Variants in COG3 observed in about 807,000 individuals in gnomAD.
The protein encoded by COG3 is component of oligomeric golgi complex 3, also known as conserved oligomeric Golgi complex subunit 3.
In COG3, 32 loss-of-function variants were observed where a neutral mutation model predicts 114.1. The observed-to-expected ratio is 0.28, with a 90% CI of 0.21 to 0.38. The LOEUF (loss-of-function observed/expected upper bound fraction) is 0.38. Among genes scored for constraint, COG3 ranks in the 10% least tolerant of loss-of-function variants. The probability of loss-of-function intolerance (pLI) is 1.00; values close to 1 mark genes in which losing one functional copy is unlikely to be tolerated. For synonymous variants in COG3, 352 were observed against 365.7 expected (o/e 0.96, Z 0.43); for missense variants, 813 against 973.2 (o/e 0.84, Z 2.19).
chr13:45,496,410 G>A (rs1406293421), intron 13 of COG3, 98 bp downstream of exon 13: 1 of 970,850 alleles, frequency 1.0e-6, no homozygotes, highest in East Asian at 3.9e-5. Flanking sequence ...AATAGAGACA[G>A]GGTTTCCCCT....
intron 1 of COG3, among the ~76,000 whole-genome samples, chr13:45,469,913 AT>A (rs1366947591): frequency 6.6e-6 from 1 of 152,156 alleles, no homozygotes; most frequent in Non-Finnish European, 1.5e-5. Context: ...ACAGTTCTTC[AT>A]TTTACCCTCA....
chr13:45,479,115 G>A (rs1170757958), intron 3 of COG3, 49 bp downstream of exon 3: 2 of 1,281,820 alleles, frequency 1.6e-6, no homozygotes, highest in Non-Finnish European at 2.2e-6. Flanking sequence ...TTAGATCACA[G>A]TCATCTGAAG....
chr13:45,510,325 A>G (rs1041659652), intron 15 of COG3, among the ~76,000 whole-genome samples: 1 of 152,210 alleles, frequency 6.6e-6, no homozygotes, highest in African/African-American at 2.4e-5. Context: ...AGATTTTGAA[A>G]TGCTACCAAA....
chr13:45,480,266 C>T lies in COG3; in HGVS notation c.525C>T (p.Ala175=). 3 of 1,612,364 alleles carry T rather than the reference C, an allele frequency of 1.9e-6. No homozygotes were observed. Among genetic ancestry groups the T allele is most frequent in the Admixed American group, 1.7e-5 (1 of 59,920 alleles). ...ATAAGACAGGAACCCTACATGAAGC[C>T]TGTGAACAGCTCCTAAAAGAACAGG... ...VSNKTGTLHE[A]CEQLLKEQSE... The change falls in exon 4 of 23, where the codon GCC becomes GCT. Residue 175 remains alanine (A), a synonymous_variant. Coordinates refer to ENST00000349995, the MANE Select transcript of COG3 (RefSeq NM_031431.4).
chr13:45,476,141 G>C (rs1196335188), intron 1 of COG3, 60 bp from the exon 2 acceptor site: 7 of 1,522,534 alleles, frequency 4.6e-6, no homozygotes, highest in Non-Finnish European at 6.3e-6. Flanking sequence ...ACCCAATCTT[G>C]AGTTAAGTTC....
Position 45,481,322 on chromosome 13 carries a change from C to T in COG3, c.624+18C>T. ...TTAACACAGTAAGCATTGTTCTTTA[C>T]TTCTTATAAAGTTAGTGATTTTTGT... On this transcript the variant is annotated intron_variant, in intron 5 of 22. Coordinates refer to ENST00000349995, the MANE Select transcript of COG3 (RefSeq NM_031431.4). The T allele has an allele frequency of 1.5e-6, 2 of 1,337,438 alleles. No individual in the cohort carries two copies. Among genetic ancestry groups the T allele is most frequent in the Non-Finnish European group, 2.1e-6 (2 of 941,716 alleles). 82.8% of individuals were successfully genotyped at this position (1,337,438 alleles called of 1,614,324 possible).
intron 15 of COG3, among the ~76,000 whole-genome samples, chr13:45,510,132 A>G (rs544280943): frequency 6.8e-6 from 1 of 147,834 alleles, no homozygotes; most frequent in South Asian, 2.1e-4. Context: ...TACAGCAGTC[A>G]TGTAATGAAT....
At position 45,474,825 on chromosome 13, in the gene COG3, T is replaced by A. The variant is rs144377310; in HGVS notation, c.175-1376T>A. On this transcript the variant is annotated intron_variant, in intron 1 of 22. Coordinates refer to ENST00000349995, the MANE Select transcript of COG3 (RefSeq NM_031431.4). ...CTGAGACCTTGGATCTTGTCTTATA[T>A]CAATGGACCTTAAATGTCATAAACT... 1.0e-2 allele frequency among the ~76,000 whole-genome samples: 1,522 copies of A among 152,306 alleles called. 32 individuals are homozygous for A. The highest frequency in any genetic ancestry group is 0.034 in the African/African-American group (1,412 of 41,552).
At chr13:45,467,938 A>T (rs147433162) in intron 1 of COG3, among the ~76,000 whole-genome samples, 92 of 152,358 alleles carry the variant, frequency 6.0e-4, no homozygotes, top group Middle Eastern at 3.4e-3. Flanking sequence ...TATCATAAAG[A>T]TGTTAACTTC....
At chr13:45,495,629 C>T (rs941312660) in intron 12 of COG3, among the ~76,000 whole-genome samples, 8 of 152,164 alleles carry the variant, frequency 5.3e-5, no homozygotes, top group Non-Finnish European at 1.5e-5. Flanking sequence ...ATCTGCCTGC[C>T]TCAGCCTCCC....
chr13:45,502,625 A>AT (rs957440386), intron 13 of COG3, among the ~76,000 whole-genome samples: 51 of 148,404 alleles, frequency 3.4e-4, no homozygotes, highest in African/African-American at 1.0e-3. Flanking sequence ...CTGGCTATTA[A>AT]TTTTTTTTTT....
chr13:45,493,530 A>C, intron 12 of COG3, 44 bp downstream of exon 12: 1 of 1,541,994 alleles, frequency 6.5e-7, no homozygotes, highest in South Asian at 1.2e-5. Flanking sequence ...TCACTGGCTC[A>C]ATGAATTTGA....
At position 45,507,799 on chromosome 13, in the gene COG3, G is replaced by A. The variant is rs138575061; in HGVS notation, c.1595-1893G>A. ...GAAAAAAAAAAAAAGCCTGGGTGTG[G>A]TGGCTCATGCCTGTAATCCCAGCAC... On this transcript the variant is annotated intron_variant, in intron 14 of 22. Transcript: ENST00000349995. Among the ~76,000 whole-genome samples the A allele has an allele frequency of 9.2e-3, 1,370 of 148,682 alleles. 24 individuals are homozygous for A. Among genetic ancestry groups the A allele is most frequent in the African/African-American group, 0.031 (1,265 of 40,628 alleles).
rs575041635 is a variant in COG3, at chr13:45,479,490, T to C, written c.383+424T>C. 2.6e-5 allele frequency among the ~76,000 whole-genome samples: 4 copies of C among 152,216 alleles called. No individual in the cohort carries two copies. In the South Asian group the frequency reaches 8.3e-4, roughly 32 times the overall value. On this transcript the variant is annotated intron_variant, in intron 3 of 22. Coordinates refer to ENST00000349995, the MANE Select transcript of COG3 (RefSeq NM_031431.4). ...CATGGGGGAAATGTTGACGGCTGATTTGGGGGCTGTGGGTTGAGTGTCCAC... is the reference window on the plus strand; with the variant it reads ...CATGGGGGAAATGTTGACGGCTGATCTGGGGGCTGTGGGTTGAGTGTCCAC...
chr13:45,531,902 C>G (rs531392730), intron 22 of COG3: 1 of 152,260 alleles, frequency 6.6e-6, no homozygotes, highest in African/African-American at 2.4e-5. Context: ...TGTTCATATA[C>G]TATAGAATTC....
chr13:45,536,328 T>C lies in COG3; in HGVS notation c.*1597T>C, dbSNP rs1007145292. 2 of 152,242 alleles carry C rather than the reference T, an allele frequency of 1.3e-5. No individual in the cohort carries two copies. Among genetic ancestry groups the C allele is most frequent in the Non-Finnish European group, 2.9e-5 (2 of 68,038 alleles). The allele number at this position is 152,242 out of a possible 1,614,324, so 9.4% of individuals were successfully genotyped here. Reference sequence around the variant, plus strand: ...TATTGTACAGTAAGTACGTGACTGATTTAATTTGATTTACAGAGCGGAGTG... The same window carrying C: ...TATTGTACAGTAAGTACGTGACTGACTTAATTTGATTTACAGAGCGGAGTG... On this transcript the variant is annotated 3_prime_UTR_variant, in exon 23 of 23. Transcript: ENST00000349995.
Position 45,530,789 on chromosome 13 carries a change from T to G in COG3, c.2457+9T>G. ...GTCCATCTATGGAACAGGTAATGGG[T>G]AGACTGAAGATCCTTATTACTTTTA... On this transcript the variant is annotated intron_variant, in intron 22 of 22. Coordinates refer to ENST00000349995, the MANE Select transcript of COG3 (RefSeq NM_031431.4). 1 of 1,607,240 alleles carries G rather than the reference T, an allele frequency of 6.2e-7. No homozygotes were observed. Among genetic ancestry groups the G allele is most frequent in the East Asian group, 2.2e-5 (1 of 44,814 alleles).
intron 1 of COG3, among the ~76,000 whole-genome samples, chr13:45,473,047 T>A (rs1347343830): frequency 1.3e-5 from 2 of 152,130 alleles, no homozygotes; most frequent in Non-Finnish European, 2.9e-5. Flanking sequence ...TTTTTTGTAT[T>A]TTTAGTAGAG....
intron 7 of COG3, among the ~76,000 whole-genome samples, chr13:45,485,152 G>T (rs1886515573): frequency 6.8e-6 from 1 of 147,800 alleles, no homozygotes; most frequent in Non-Finnish European, 1.5e-5. Context: ...GGGCAGAGGG[G>T]CTCCTCACTT....
Sources: gnomAD v4.1 joint callset for allele counts (sites outside exome capture counted in the v4.1 genomes callset) on GRCh38, gnomAD v4.1.1 for gene constraint, MANE v1.5 for transcripts, NCBI Gene and HGNC (gene_info 2026-07-23, HGNC 2026-07-21) for gene names.